GALNT13: variants seen among roughly 807,000 people sequenced by gnomAD.
The protein encoded by GALNT13 is UDP-GalNAc:polypeptide N-acetylgalactosaminyltransferase 13.
GALNT13 carries 28 observed loss-of-function variants against 64.2 expected under a neutral mutation model. The observed-to-expected ratio is 0.44, with a 90% confidence interval of 0.32 to 0.60. The LOEUF (loss-of-function observed/expected upper bound fraction) is 0.60. GALNT13 is among the 20% of genes least tolerant of loss of function. The pLI is 0.05. For synonymous variants in GALNT13, 214 were observed against 224.6 expected, an observed-to-expected ratio of 0.95 and a Z score of 0.42; for missense variants, 577 against 669.8, an observed-to-expected ratio of 0.86 and a Z score of 1.53.
intron 4 of GALNT13, among the ~76,000 whole-genome samples, chr2:154,235,728 G>T (rs1242142018): frequency 6.6e-6 from 1 of 152,124 alleles, no homozygotes; most frequent in Non-Finnish European, 1.5e-5. Flanking sequence ...AATGGATTGT[G>T]TCTATCTAAA....
chr2:153,997,332 TCATTTTTTCATTAG>T (rs1210603765), intron 3 of GALNT13, among the ~76,000 whole-genome samples: 7 of 152,142 alleles, frequency 4.6e-5, no homozygotes, highest in African/African-American at 1.7e-4. Context: ...TGTGTCTGCT[TCATTTTTTCATTAG>T]CATTTTTTCA....
the GALNT13 span, among the ~76,000 whole-genome samples, chr2:153,519,303 C>G: frequency 6.6e-6 from 1 of 152,140 alleles, no homozygotes; most frequent in African/African-American, 2.4e-5. Context: ...TCCTGCAGGT[C>G]TAACAATTTC....
chr2:153,828,474 A>C, the GALNT13 span, among the ~76,000 whole-genome samples: 136,641 of 152,238 alleles, frequency 0.9, 62,111 homozygotes, highest in Non-Finnish European at 0.94. Context: ...GGGGCTTGCA[A>C]CCTCTGAAGC....
At chr2:154,296,778 T>A (rs997567770) in intron 8 of GALNT13, among the ~76,000 whole-genome samples, 3 of 152,190 alleles carry the variant, frequency 2.0e-5, no homozygotes, top group Non-Finnish European at 4.4e-5. Context: ...GATTCTTTTT[T>A]TTTGTTATTA....
chr2:153,404,083 T>C, the GALNT13 span, among the ~76,000 whole-genome samples: 1 of 152,222 alleles, frequency 6.6e-6, no homozygotes, highest in Non-Finnish European at 1.5e-5. Context: ...AATACTGATG[T>C]AGGCTCATTG....
In GALNT13 at chr2:153,968,925, A is replaced by G. The variant is rs1046888835; in HGVS notation, c.142+24286A>G. 2.0e-5 allele frequency among the ~76,000 whole-genome samples: 3 copies of G among 150,978 alleles called. No individual in the cohort carries two copies. In the South Asian group the frequency reaches 6.4e-4, roughly 32 times the overall value. ...TCATTTAAACACATTTGTGAGCTAA[A>G]TTACTTTAAAATCAGAAATTCTTTG... On this transcript the variant is annotated intron_variant, in intron 3 of 12. Coordinates refer to ENST00000392825, the MANE Select transcript of GALNT13 (RefSeq NM_052917.4).
At chr2:153,761,106 T>C in the GALNT13 span, among the ~76,000 whole-genome samples, 5 of 152,172 alleles carry the variant, frequency 3.3e-5, 1 homozygote, top group Non-Finnish European at 7.4e-5. Context: ...TTTCAGTCTA[T>C]GTGTGGCCTT....
intron 3 of GALNT13, among the ~76,000 whole-genome samples, chr2:154,130,396 CA>C (rs951270412): frequency 2.6e-5 from 4 of 152,128 alleles, no homozygotes; most frequent in African/African-American, 9.7e-5. Context: ...GCATTCAGCA[CA>C]ACCGCCCTCA....
the GALNT13 span, among the ~76,000 whole-genome samples, chr2:153,799,949 T>C: frequency 2.0e-5 from 3 of 152,108 alleles, no homozygotes; most frequent in African/African-American, 7.2e-5. Flanking sequence ...TGCCATTTGT[T>C]ACAGTAGCAT....
chr2:153,872,746 G>T (rs1009930988), intron 1 of GALNT13, among the ~76,000 whole-genome samples: 25 of 151,842 alleles, frequency 1.6e-4, no homozygotes, highest in Admixed American at 6.6e-5. Flanking sequence ...GCTGCGTTGC[G>T]GGCGTTTCTA....
chr2:154,244,853 G>A (rs1165556986), intron 6 of GALNT13, among the ~76,000 whole-genome samples: 1 of 152,076 alleles, frequency 6.6e-6, no homozygotes, highest in African/African-American at 2.4e-5. Context: ...CAGGTGCGGT[G>A]GCTCACACCT....
chr2:153,328,652 C>T, the GALNT13 span, among the ~76,000 whole-genome samples: 52 of 152,268 alleles, frequency 3.4e-4, no homozygotes, highest in Non-Finnish European at 6.8e-4. Flanking sequence ...GGACGCCCCT[C>T]CCCATACCAA....
At chr2:153,715,085 C>T in the GALNT13 span, among the ~76,000 whole-genome samples, 1 of 152,146 alleles carries the variant, frequency 6.6e-6, no homozygotes, top group Non-Finnish European at 1.5e-5. Flanking sequence ...TCTTAGTGAA[C>T]TATCAGCTTG....
the GALNT13 span, among the ~76,000 whole-genome samples, chr2:153,836,179 T>C: frequency 6.6e-6 from 1 of 152,082 alleles, no homozygotes; most frequent in Non-Finnish European, 1.5e-5. Flanking sequence ...CATGGGGCAA[T>C]TTATTGATGT....
chr2:154,117,583 C>T (rs1681662703), intron 3 of GALNT13, among the ~76,000 whole-genome samples: 1 of 152,190 alleles, frequency 6.6e-6, no homozygotes, highest in South Asian at 2.1e-4. Flanking sequence ...TAGGTTGCTG[C>T]AAATGCCGTT....
chr2:153,938,419 T>C (rs1691102041), intron 2 of GALNT13, among the ~76,000 whole-genome samples: 2 of 152,104 alleles, frequency 1.3e-5, no homozygotes, highest in South Asian at 4.1e-4. Context: ...AAGATGGAGA[T>C]TGATTTGGAC....
chr2:153,574,219 A>G, the GALNT13 span, among the ~76,000 whole-genome samples: 1,278 of 151,004 alleles, frequency 8.5e-3, 17 homozygotes, highest in African/African-American at 0.029. Flanking sequence ...ATTTTTCCAG[A>G]GGTATTGGAA....
At chr2:153,376,006 A>T in the GALNT13 span, among the ~76,000 whole-genome samples, 1 of 152,134 alleles carries the variant, frequency 6.6e-6, no homozygotes, top group Non-Finnish European at 1.5e-5. Context: ...ACCAGCTGTC[A>T]TGGGAACTAA....
chr2:153,181,636 T>C, the GALNT13 span, among the ~76,000 whole-genome samples: 1 of 146,554 alleles, frequency 6.8e-6, no homozygotes. Context: ...TATATATTTA[T>C]ATAATTATAT....
Sources: gnomAD v4.1 joint callset for allele counts (sites outside exome capture counted in the v4.1 genomes callset) on GRCh38, gnomAD v4.1.1 for gene constraint, MANE v1.5 for transcripts, NCBI Gene and HGNC (gene_info 2026-07-23, HGNC 2026-07-21) for gene names.